The following PTPRK variants were observed in gnomAD, a reference collection of about 807,000 sequenced individuals.
The protein encoded by PTPRK is receptor-type tyrosine-protein phosphatase kappa.
In PTPRK, 75 loss-of-function variants were observed where a neutral mutation model predicts 178.0. The ratio of observed to expected loss-of-function variants is 0.42; its 90% CI spans 0.35 to 0.51. The LOEUF (loss-of-function observed/expected upper bound fraction) is 0.51, where lower values mean the gene tolerates loss of function less well. PTPRK is among the 20% of genes least tolerant of loss of function. The pLI is 0.02. For synonymous variants in PTPRK, 637 were observed against 620.6 expected (o/e 1.03, Z -0.39); for missense variants, 1,441 against 1,797.8 (o/e 0.80, Z 3.59).
chr6:128,000,341 G>GA (rs113113294), intron 15 of PTPRK: 4,234 of 1,145,322 alleles, frequency 3.7e-3, no homozygotes, highest in South Asian at 0.01. Flanking sequence ...CTGGAGAAGG[G>GA]AAAAAAAAAA....
chr6:128,165,081 A>C (rs1227588071), intron 7 of PTPRK, among the ~76,000 whole-genome samples: 1 of 151,176 alleles, frequency 6.6e-6, no homozygotes, highest in African/African-American at 2.4e-5. Flanking sequence ...TATGTGTGCA[A>C]ATTATGCTAA....
intron 2 of PTPRK, among the ~76,000 whole-genome samples, chr6:128,346,841 A>T (rs778777364): frequency 6.6e-6 from 1 of 152,170 alleles, no homozygotes; most frequent in Non-Finnish European, 1.5e-5. Flanking sequence ...ATAAGGCTTG[A>T]CACATAGGAA....
intron 18 of PTPRK, among the ~76,000 whole-genome samples, chr6:127,993,173 GCATCCAATCAAAGTC>G (rs1209079243): frequency 2.6e-5 from 4 of 151,730 alleles, no homozygotes; most frequent in African/African-American, 9.7e-5. Flanking sequence ...ATGCATGTGT[GCATCCAATCAAAGTC>G]CTGCTGAGAT....
intron 1 of PTPRK, among the ~76,000 whole-genome samples, chr6:128,465,282 A>T (rs1246615910): frequency 6.6e-6 from 1 of 152,202 alleles, no homozygotes; most frequent in Non-Finnish European, 1.5e-5. Flanking sequence ...TTTTTTTTCA[A>T]CAATTTCAGG....
chr6:128,463,755 T>G (rs1045672680), intron 1 of PTPRK, among the ~76,000 whole-genome samples: 6 of 140,774 alleles, frequency 4.3e-5, no homozygotes, highest in Non-Finnish European at 7.7e-5. Flanking sequence ...TTTTTTTTTT[T>G]TTTTTTTTTT....
chr6:128,130,119 A>G (rs754129602), intron 7 of PTPRK, among the ~76,000 whole-genome samples: 2 of 152,220 alleles, frequency 1.3e-5, no homozygotes, highest in Non-Finnish European at 2.9e-5. Context: ...TACTGCAGAC[A>G]TTAAATAATT....
At chr6:128,086,418 C>T (rs1325256341) in intron 8 of PTPRK, among the ~76,000 whole-genome samples, 1 of 152,012 alleles carries the variant, frequency 6.6e-6, no homozygotes. Context: ...AAATTCTGTT[C>T]GTCCATTAAA....
In PTPRK at chr6:127,968,872, A is replaced by ACTGGAATG. The variant is rs1162300212; in HGVS notation, c.*1347_*1354dup. The ACTGGAATG allele has an allele frequency of 2.6e-5, 4 of 152,342 alleles. No individual in the cohort carries two copies. In the East Asian group the frequency reaches 7.7e-4, roughly 29 times the overall value. The allele number at this position is 152,342 out of a possible 1,614,324, so 9.4% of individuals were successfully genotyped here. A position where few individuals can be genotyped will look rare whatever the true frequency, so the allele number is the denominator to read the frequency against. ...TGAGCTGGCAATCTAGAAAGAGGACACTGGAATGCTTTAGTCAATTACAAA... is the reference window on the plus strand; with the variant it reads ...TGAGCTGGCAATCTAGAAAGAGGACACTGGAATGCTGGAATGCTTTAGTCAATTACAAA... On this transcript the variant is annotated 3_prime_UTR_variant, in exon 30 of 30. Transcript: ENST00000368226.
At chr6:127,973,291 A>G in intron 28 of PTPRK, 134 bp from the exon 29 acceptor site, 1 of 1,431,986 alleles carries the variant, frequency 7.0e-7, no homozygotes. Context: ...TTTGCTTTAT[A>G]TGTGTACAAG....
chr6:128,488,480 T>C (rs373415544), intron 1 of PTPRK, among the ~76,000 whole-genome samples: 17 of 152,178 alleles, frequency 1.1e-4, no homozygotes, highest in African/African-American at 4.1e-4. Context: ...AAAATCTGGA[T>C]GCTGTTATCA....
intron 3 of PTPRK, among the ~76,000 whole-genome samples, chr6:128,290,782 G>C (rs1015627884): frequency 6.6e-6 from 1 of 152,078 alleles, no homozygotes; most frequent in Non-Finnish European, 1.5e-5. Flanking sequence ...TTTAAAAATA[G>C]AGGATAACTA....
intron 3 of PTPRK, among the ~76,000 whole-genome samples, chr6:128,317,419 A>C (rs72969075): frequency 0.09 from 13,605 of 151,770 alleles, 727 homozygotes; most frequent in African/African-American, 0.15. Flanking sequence ...GCCCTGTTTA[A>C]GTCTTCTCTC....
chr6:127,971,148 G>C (rs563580974), intron 29 of PTPRK, among the ~76,000 whole-genome samples: 1 of 152,054 alleles, frequency 6.6e-6, no homozygotes, highest in African/African-American at 2.4e-5. Context: ...ACAACATATT[G>C]GCAATAAAAT....
At chr6:128,058,791 A>G (rs79150699) in intron 13 of PTPRK, among the ~76,000 whole-genome samples, 2,240 of 152,056 alleles carry the variant, frequency 0.015, 65 homozygotes, top group African/African-American at 0.052. Flanking sequence ...ACATCATAAA[A>G]TATGTTCTAT....
chr6:128,020,668 G>A (rs114928788), intron 13 of PTPRK, among the ~76,000 whole-genome samples: 2,576 of 152,176 alleles, frequency 0.017, 83 homozygotes, highest in African/African-American at 0.059. Context: ...GAAAGAAATA[G>A]AAAACAAATA....
At chr6:128,204,082 G>C (rs939643076) in intron 6 of PTPRK, among the ~76,000 whole-genome samples, 2 of 152,014 alleles carry the variant, frequency 1.3e-5, no homozygotes, top group African/African-American at 4.8e-5. Flanking sequence ...CAAACACATA[G>C]ACCAGTGGAA....
chr6:128,201,093 G>T (rs1331489650), intron 6 of PTPRK, among the ~76,000 whole-genome samples: 1 of 152,078 alleles, frequency 6.6e-6, no homozygotes, highest in Non-Finnish European at 1.5e-5. Context: ...TAAGCACTAT[G>T]ACTTTAAAAG....
intron 25 of PTPRK, among the ~76,000 whole-genome samples, chr6:127,980,649 A>C (rs1328113330): frequency 1.3e-5 from 2 of 152,166 alleles, no homozygotes; most frequent in Non-Finnish European, 2.9e-5. Context: ...TCCCCTCTCT[A>C]GTTACTTATA....
At chr6:128,497,384 G>T (rs888684437) in intron 1 of PTPRK, among the ~76,000 whole-genome samples, 1 of 152,094 alleles carries the variant, frequency 6.6e-6, no homozygotes, top group Non-Finnish European at 1.5e-5. Flanking sequence ...CTGAGGCAGG[G>T]CGATCCCTTG....
Sources: allele counts gnomAD v4.1 joint callset (sites outside exome capture counted in the v4.1 genomes callset), GRCh38; gene constraint gnomAD v4.1.1; transcripts MANE v1.5; gene names NCBI Gene and HGNC (gene_info 2026-07-23, HGNC 2026-07-21).